Variants in MTUS2 observed in about 807,000 individuals in gnomAD.
MTUS2 encodes microtubule-associated tumor suppressor candidate 2.
In MTUS2, 40 loss-of-function variants were observed where a neutral mutation model predicts 114.1. The ratio of observed to expected loss-of-function variants is 0.35; its 90% CI spans 0.27 to 0.46. The LOEUF (loss-of-function observed/expected upper bound fraction) is 0.46. Among genes scored for constraint, MTUS2 ranks in the 20% least tolerant of loss-of-function variants. The pLI is 1.00. For missense variants in MTUS2, 1,679 were observed against 1,705.4 expected, an observed-to-expected ratio of 0.98 and a Z score of 0.27; for synonymous variants, 688 against 672.0, an observed-to-expected ratio of 1.02 and a Z score of -0.37.
chr13:29,366,262 C>T (rs755507687), intron 8 of MTUS2, among the ~76,000 whole-genome samples: 9 of 152,144 alleles, frequency 5.9e-5, no homozygotes, highest in South Asian at 4.1e-4. Context: ...TCTCACATGG[C>T]GGCAGAGAAG....
At chr13:29,359,561 T>C (rs1197927996) in intron 8 of MTUS2, 88 bp downstream of exon 8, 1 of 1,448,360 alleles carries the variant, frequency 6.9e-7, no homozygotes, top group Non-Finnish European at 9.4e-7. Context: ...TGTTGCTGTT[T>C]TGGGTTTGAG....
At chr13:29,150,164 C>T (rs1165421185) in intron 5 of MTUS2, among the ~76,000 whole-genome samples, 1 of 152,034 alleles carries the variant, frequency 6.6e-6, no homozygotes, top group Non-Finnish European at 1.5e-5. Flanking sequence ...AATGTTTTTC[C>T]ATTTGTTTGC....
At chr13:29,253,057 T>C (rs1282313627) in intron 5 of MTUS2, among the ~76,000 whole-genome samples, 1 of 150,668 alleles carries the variant, frequency 6.6e-6, no homozygotes, top group African/African-American at 2.5e-5. Context: ...TTGGGACTTT[T>C]CTGTCATTTT....
chr13:29,110,721 T>G (rs1890850326), intron 5 of MTUS2, among the ~76,000 whole-genome samples: 1 of 152,168 alleles, frequency 6.6e-6, no homozygotes, highest in Admixed American at 6.6e-5. Context: ...AATATTTTCT[T>G]GATTGCTTCA....
intron 4 of MTUS2, among the ~76,000 whole-genome samples, chr13:29,057,171 A>G (rs1309164892): frequency 6.6e-6 from 1 of 152,100 alleles, no homozygotes; most frequent in African/African-American, 2.4e-5. Flanking sequence ...TGTGTTTGTT[A>G]TGATTTTGGT....
intron 5 of MTUS2, among the ~76,000 whole-genome samples, chr13:29,182,072 C>A (rs75339022): frequency 0.011 from 1,646 of 152,266 alleles, 26 homozygotes; most frequent in African/African-American, 0.038. Context: ...ATGCCCCTCC[C>A]TGGTGGCTAC....
At position 29,481,939 on chromosome 13, in the gene MTUS2, T is replaced by C. The variant is rs541375780; in HGVS notation, c.3399+1575T>C. 2.6e-5 allele frequency among the ~76,000 whole-genome samples: 4 copies of C among 152,308 alleles called. No homozygotes were observed. In the South Asian group the frequency reaches 8.3e-4, roughly 32 times the overall value. On this transcript the variant is annotated intron_variant, in intron 10 of 15. Transcript: ENST00000612955. ...CCGGTGTCGTGCCTCCCAGCCTGTC[T>C]GCATGTAACTCCAGTCAGTAGACAT...
chr13:29,404,454 GC>G (rs1874603321), intron 8 of MTUS2, among the ~76,000 whole-genome samples: 1 of 152,186 alleles, frequency 6.6e-6, no homozygotes, highest in South Asian at 2.1e-4. Context: ...CAGCTTGCCA[GC>G]CTCACAGGGT....
chr13:29,265,853 C>T (rs79657520), intron 5 of MTUS2, among the ~76,000 whole-genome samples: 1,980 of 152,260 alleles, frequency 0.013, 27 homozygotes, highest in East Asian at 0.08. Context: ...AGGCCCACCT[C>T]CACACTGGGG....
At chr13:29,144,857 TAAAC>T (rs1892366537) in intron 5 of MTUS2, among the ~76,000 whole-genome samples, 1 of 152,204 alleles carries the variant, frequency 6.6e-6, no homozygotes, top group South Asian at 2.1e-4. Context: ...ACACAGGTCA[TAAAC>T]AATAAGAGTT....
At chr13:29,259,696 C>T (rs954769983) in intron 5 of MTUS2, among the ~76,000 whole-genome samples, 6 of 152,106 alleles carry the variant, frequency 3.9e-5, no homozygotes. Context: ...CAGCAGACAC[C>T]CATCAAAGCG....
At chr13:29,039,132 C>T (rs1208354425) in intron 4 of MTUS2, among the ~76,000 whole-genome samples, 2 of 152,190 alleles carry the variant, frequency 1.3e-5, no homozygotes, top group Admixed American at 1.3e-4. Flanking sequence ...ACATAGAGGA[C>T]TTTGTAGCGG....
intron 5 of MTUS2, among the ~76,000 whole-genome samples, chr13:29,130,541 G>C (rs1312694171): frequency 6.6e-6 from 1 of 152,118 alleles, no homozygotes; most frequent in Non-Finnish European, 1.5e-5. Context: ...TGCACACTCA[G>C]CCCTCTTCTA....
chr13:29,169,790 C>T (rs896468930), intron 5 of MTUS2, among the ~76,000 whole-genome samples: 1 of 152,140 alleles, frequency 6.6e-6, no homozygotes, highest in African/African-American at 2.4e-5. Context: ...CCTCTTACTG[C>T]ATAAGGGCCG....
intron 7 of MTUS2, among the ~76,000 whole-genome samples, chr13:29,331,897 T>C (rs565271205): frequency 5.9e-5 from 9 of 152,204 alleles, no homozygotes; most frequent in Non-Finnish European, 8.8e-5. Context: ...CTTTGCATCC[T>C]AGGGATAAAG....
chr13:29,022,931 T>C (rs925760859), intron 2 of MTUS2, among the ~76,000 whole-genome samples: 9 of 152,242 alleles, frequency 5.9e-5, no homozygotes, highest in African/African-American at 2.2e-4. Context: ...AAATACATAA[T>C]ACGTGCCTAA....
At chr13:28,934,223 A>T (rs1382829241) in intron 2 of MTUS2, among the ~76,000 whole-genome samples, 1 of 152,164 alleles carries the variant, frequency 6.6e-6, no homozygotes, top group Non-Finnish European at 1.5e-5. Context: ...TACATGGTGG[A>T]GATATTGATT....
At chr13:29,385,427 A>G (rs1362645006) in intron 8 of MTUS2, among the ~76,000 whole-genome samples, 1 of 152,208 alleles carries the variant, frequency 6.6e-6, no homozygotes, top group Non-Finnish European at 1.5e-5. Flanking sequence ...TGTCAGGACC[A>G]CAAGAAAAGG....
intron 2 of MTUS2, among the ~76,000 whole-genome samples, chr13:29,001,471 A>G (rs1446394656): frequency 2.0e-5 from 3 of 152,194 alleles, no homozygotes; most frequent in Admixed American, 2.0e-4. Flanking sequence ...GGGTGACTCC[A>G]GGCTGTTTGC....
Sources: allele counts gnomAD v4.1 joint callset (sites outside exome capture counted in the v4.1 genomes callset), GRCh38; gene constraint gnomAD v4.1.1; transcripts MANE v1.5; gene names NCBI Gene and HGNC (gene_info 2026-07-23, HGNC 2026-07-21).